Variants in PISD observed in about 807,000 individuals in gnomAD.
PISD encodes phosphatidylserine decarboxylase.
Under a neutral mutation model 43.5 loss-of-function variants are expected in PISD, and 31 were observed. That is an observed-to-expected ratio of 0.71 (90% CI 0.54 to 0.96). The LOEUF (loss-of-function observed/expected upper bound fraction) is 0.96. PISD is among the 40% of genes least tolerant of loss of function. The pLI, the probability that PISD is intolerant of heterozygous loss-of-function variation, is 0.00. For synonymous variants in PISD, 259 were observed against 228.7 expected (o/e 1.13, Z -1.20); for missense variants, 523 against 548.4 (o/e 0.95, Z 0.46).
chr22:31,636,213 G>A (rs1325701264), intron 3 of PISD, among the ~76,000 whole-genome samples: 2 of 152,206 alleles, frequency 1.3e-5, no homozygotes, highest in African/African-American at 4.8e-5. Context: ...TGCTTAGGCT[G>A]AATGGTGGTA....
intron 3 of PISD, among the ~76,000 whole-genome samples, chr22:31,627,250 A>C (rs1242757750): frequency 6.6e-6 from 1 of 152,234 alleles, no homozygotes; most frequent in African/African-American, 2.4e-5. Context: ...AGCTCACTGC[A>C]GATGGGTCAG....
Position 31,619,280 on chromosome 22 carries a change from G to A in PISD, c.*332C>T, listed in dbSNP as rs2072339098. ...GGAGCAGCAAGAAAAAACGACAACC[G>A]AGACCAACTGAAGGTTCGGTCAGGA... On this transcript the variant is annotated 3_prime_UTR_variant, in exon 8 of 8. Transcript: ENST00000439502. 2 of 352,868 alleles carry A rather than the reference G, an allele frequency of 5.7e-6. No homozygotes were observed. Among genetic ancestry groups the A allele is most frequent in the Non-Finnish European group, 1.1e-5 (2 of 181,994 alleles). 21.9% of individuals were successfully genotyped at this position (352,868 alleles called of 1,614,324 possible).
At chr22:31,661,326 G>C (rs905791723) in intron 1 of PISD, among the ~76,000 whole-genome samples, 3 of 152,260 alleles carry the variant, frequency 2.0e-5, no homozygotes, top group Middle Eastern at 3.4e-3. Context: ...AAACACACAA[G>C]TATGGCGCAT....
Position 31,648,164 on chromosome 22 carries a change from G to A in PISD, c.258C>T (p.Tyr86=), listed in dbSNP as rs1394513228. The A allele has an allele frequency of 1.9e-6, 3 of 1,612,554 alleles. No individual in the cohort carries two copies. The South Asian group carries it at 3.3e-5, about 18-fold the overall frequency. The change falls in exon 3 of 8, where the codon TAC becomes TAT. Residue 86 remains tyrosine (Y), a synonymous_variant. Transcript: ENST00000439502. ...GYAGYRQYEK[Y]RERELEKLGL... is the part of the protein sequence containing the mutation. ...CCAGCTTCTCCAGCTCTCGCTCCCT[G>A]TACTTCTCATACTGCCGGTACCCTG...
At chr22:31,625,439 A>C in intron 3 of PISD, 1 of 467,774 alleles carries the variant, frequency 2.1e-6, no homozygotes, top group Non-Finnish European at 3.9e-6. Context: ...CCTCTCTCCT[A>C]GGTGGGGTGC....
intron 1 of PISD, among the ~76,000 whole-genome samples, chr22:31,656,805 C>T (rs952668324): frequency 6.6e-6 from 1 of 152,088 alleles, no homozygotes; most frequent in Non-Finnish European, 1.5e-5. Context: ...TGCCCCTTTC[C>T]ACACTCCTCC....
intron 3 of PISD, among the ~76,000 whole-genome samples, chr22:31,644,442 T>C (rs2073826183): frequency 6.6e-6 from 1 of 151,920 alleles, no homozygotes. Flanking sequence ...GGTTTCACCA[T>C]GTTAACCAGG....
Position 31,621,364 on chromosome 22 carries a change from T to C in PISD, c.667A>G (p.Met223Val), listed in dbSNP as rs143378500. 71 of 1,614,022 alleles carry C rather than the reference T, an allele frequency of 4.4e-5. No individual in the cohort carries two copies. In the Middle Eastern group the frequency reaches 9.9e-4, roughly 23 times the overall value. ...GGGAAGGGCAGGTCCTCTGTGCACA[T>C]ACGCGGGCCCAGGAACGACTCCAGG... The part of the protein sequence containing the change: ...YSLESFLGPR[M>V]CTEDLPFPPA... The change falls in exon 5 of 8, where the codon ATG becomes GTG. Residue 223 changes from methionine to valine, a missense_variant. Physicochemically the swap from Met to Val is conservative, Grantham distance 21. Transcript: ENST00000439502.
chr22:31,623,926 C>T (rs1295338159), intron 3 of PISD: 1 of 1,377,416 alleles, frequency 7.3e-7, no homozygotes, highest in African/African-American at 1.4e-5. Context: ...CCACCTGCAC[C>T]CAGGGCAGGA....
At chr22:31,647,451 GACCTAT>G (rs1446656274) in intron 3 of PISD, among the ~76,000 whole-genome samples, 2 of 152,106 alleles carry the variant, frequency 1.3e-5, no homozygotes, top group Non-Finnish European at 1.5e-5. Flanking sequence ...AGAATATTAA[GACCTAT>G]TACTGGTCCT....
chr22:31,652,444 G>A (rs988022364), intron 1 of PISD, among the ~76,000 whole-genome samples: 1 of 152,066 alleles, frequency 6.6e-6, no homozygotes, highest in African/African-American at 2.4e-5. Flanking sequence ...GTTATGTCTT[G>A]TATAGATATC....
chr22:31,659,750 C>T (rs2074269801), intron 1 of PISD, among the ~76,000 whole-genome samples: 1 of 152,024 alleles, frequency 6.6e-6, no homozygotes, highest in African/African-American at 2.4e-5. Flanking sequence ...CGCCACCACA[C>T]CCGGCTAATT....
chr22:31,638,237 G>A (rs908115676), intron 3 of PISD: 2 of 297,134 alleles, frequency 6.7e-6, no homozygotes, highest in Non-Finnish European at 1.0e-5. Context: ...AACTCAGGAC[G>A]CTGTGACCGG....
chr22:31,656,085 G>A (rs2074163908), intron 1 of PISD, among the ~76,000 whole-genome samples: 1 of 151,764 alleles, frequency 6.6e-6, no homozygotes, highest in South Asian at 2.1e-4. Flanking sequence ...CCTGAGGTCG[G>A]GAGTTTGAGA....
At position 31,619,569 on chromosome 22, in the gene PISD, G is replaced by GTT. The variant is rs1569479326; in HGVS notation, c.*41_*42dup. The GTT allele has an allele frequency of 1.3e-6, 2 of 1,538,004 alleles. No homozygotes were observed. The highest frequency in any genetic ancestry group is 3.4e-5 in the Admixed American group (2 of 59,128). ...TCCCTCTTGAAAAGACCCTCACTCT[G>GTT]TTTGGAAAAGATCCCTTAGCAGCCA... On this transcript the variant is annotated 3_prime_UTR_variant, in exon 8 of 8. Coordinates refer to ENST00000439502, the MANE Select transcript of PISD (RefSeq NM_001326411.2).
At chr22:31,626,200 A>C in intron 3 of PISD, 1 of 342,190 alleles carries the variant, frequency 2.9e-6, no homozygotes, top group South Asian at 6.3e-5. Context: ...TGGCCTGGGG[A>C]GGCAGTAGGG....
At position 31,619,395 on chromosome 22, in the gene PISD, G is replaced by A. The variant is rs759811950; in HGVS notation, c.*217C>T. 1 of 647,140 alleles carries A rather than the reference G, an allele frequency of 1.5e-6. No homozygotes were observed. Among genetic ancestry groups the A allele is most frequent in the African/African-American group, 1.8e-5 (1 of 55,948 alleles). The allele number at this position is 647,140 out of a possible 1,614,324, so 40.1% of individuals were successfully genotyped here. On this transcript the variant is annotated 3_prime_UTR_variant, in exon 8 of 8. Coordinates refer to ENST00000439502, the MANE Select transcript of PISD (RefSeq NM_001326411.2). The stretch of plus-strand genomic sequence containing the variant: ...TGCACTTTTTATTTGTAGGCAGAAG[G>A]AACGGGATAGGTTGAGGGGCATGAT...
intron 3 of PISD, among the ~76,000 whole-genome samples, chr22:31,632,939 G>A (rs1005130504): frequency 1.3e-5 from 2 of 152,090 alleles, no homozygotes; most frequent in Admixed American, 1.3e-4. Context: ...TCTATGTTTT[G>A]CTTAAAGGTG....
intron 1 of PISD, among the ~76,000 whole-genome samples, chr22:31,660,371 G>C (rs764160769): frequency 1.3e-5 from 2 of 152,030 alleles, no homozygotes; most frequent in African/African-American, 2.4e-5. Context: ...AATTATTTTA[G>C]GTGGACTGCG....
Sources: gnomAD v4.1 joint callset for allele counts (sites outside exome capture counted in the v4.1 genomes callset) on GRCh38, gnomAD v4.1.1 for gene constraint, MANE v1.5 for transcripts, NCBI Gene and HGNC (gene_info 2026-07-23, HGNC 2026-07-21) for gene names.